Variants in EIF3G observed in about 807,000 individuals in gnomAD.
EIF3G encodes eukaryotic translation initiation factor 3 subunit G.
A neutral mutation model predicts 41.7 loss-of-function variants in EIF3G; 10 were observed. The observed-to-expected ratio is 0.24, with a 90% confidence interval of 0.15 to 0.41. The LOEUF (loss-of-function observed/expected upper bound fraction) is 0.41, where lower values mean the gene tolerates loss of function less well. Among genes scored for constraint, EIF3G ranks in the 10% least tolerant of loss-of-function variants. The pLI is 1.00. For missense variants in EIF3G, 297 were observed against 444.0 expected (o/e 0.67, Z 2.98); for synonymous variants, 204 against 172.5 (o/e 1.18, Z -1.43).
chr19:10,118,452 C>T (rs1007118899), intron 5 of EIF3G: 10 of 557,308 alleles, frequency 1.8e-5, no homozygotes, highest in Non-Finnish European at 2.9e-5. Context: ...GTAACCCCAG[C>T]TACTCGGGAG....
At chr19:10,118,328 G>A (rs1009362531) in intron 5 of EIF3G, 7 of 312,872 alleles carry the variant, frequency 2.2e-5, no homozygotes, top group Admixed American at 4.8e-5. Flanking sequence ...CACTTTGGGA[G>A]GCCTAGGTGC....
At chr19:10,118,980 A>T in intron 3 of EIF3G, 24 bp from the exon 4 acceptor site, 2 of 1,614,014 alleles carry the variant, frequency 1.2e-6, no homozygotes, top group South Asian at 2.2e-5. Flanking sequence ...AAAAACAGAG[A>T]AAGACTGAGC....
chr19:10,117,858 C>T (rs1175402731), intron 5 of EIF3G, among the ~76,000 whole-genome samples: 1 of 152,074 alleles, frequency 6.6e-6, no homozygotes, highest in African/African-American at 2.4e-5. Flanking sequence ...AGCTGGAGAC[C>T]AGCCTGGGCA....
At position 10,115,141 on chromosome 19, in the gene EIF3G, G is replaced by A. The variant is rs201415234; in HGVS notation, c.948-12C>T. ...AGTTGGTGGACGGCCTGGGGTAGGG[G>A]AGGGTGGCAGGTATAAGACTTCTGG... On this transcript the variant is annotated splice_polypyrimidine_tract_variant and intron_variant, in intron 10 of 10. Transcript: ENST00000253108. 100 of 1,613,842 alleles carry A rather than the reference G, an allele frequency of 6.2e-5. No individual in the cohort carries two copies. In the African/African-American group the frequency reaches 1.1e-3, roughly 17 times the overall value.
Position 10,116,635 on chromosome 19 carries a change from C to A in EIF3G, c.595+165G>T, listed in dbSNP as rs1472778176. On this transcript the variant is annotated intron_variant, in intron 7 of 10. Coordinates refer to ENST00000253108, the MANE Select transcript of EIF3G (RefSeq NM_003755.5). The surrounding 1 kb of genome is among the most constrained non-coding windows in gnomAD (Gnocchi z 4.1). The stretch of plus-strand genomic sequence containing the variant: ...AAGTCGCACATATATGGGAGACGCC[C>A]GTCTCCCAACCATAGGAGGTACAGC... The A allele has an allele frequency of 5.9e-6, 4 of 676,192 alleles. No individual in the cohort carries two copies. Among genetic ancestry groups the A allele is most frequent in the Non-Finnish European group, 9.8e-6 (4 of 406,548 alleles). 41.9% of individuals were successfully genotyped at this position (676,192 alleles called of 1,614,324 possible).
chr19:10,117,404 G>A, intron 5 of EIF3G: 3 of 550,396 alleles, frequency 5.5e-6, no homozygotes, highest in South Asian at 4.9e-5. Flanking sequence ...GTCAGCCTCC[G>A]GGTCCAGGTG....
Position 10,115,502 on chromosome 19 carries a change from G to A in EIF3G, c.924C>T (p.Leu308=), listed in dbSNP as rs1378625861. 6.2e-7 allele frequency: 1 copy of A among 1,612,984 alleles called. No homozygotes were observed. The highest frequency in any genetic ancestry group is 8.5e-7 in the Non-Finnish European group (1 of 1,179,318). The part of the protein sequence containing the change: ...AGVSGFGYDH[L]ILNVEWAKPS... ...ACTTGGCCCACTCGACGTTGAGGAT[G>A]AGGTGGTCGTAGCCAAAGCCGGACA... is the stretch of plus-strand genomic sequence containing the variant. The change falls in exon 10 of 11, where the codon CTC becomes CTT. Residue 308 remains leucine, a synonymous_variant. Transcript: ENST00000253108.
At position 10,115,058 on chromosome 19, in the gene EIF3G, C is replaced by G. The variant is rs994732666; in HGVS notation, c.*56G>C. On this transcript the variant is annotated 3_prime_UTR_variant, in exon 11 of 11. Coordinates refer to ENST00000253108, the MANE Select transcript of EIF3G (RefSeq NM_003755.5). ...TTATTGCCCTTGGAGCCCGCGCTCT[C>G]GGAGGCTGTCTTCTGTCGCCAAGGG... 1.5e-5 allele frequency: 24 copies of G among 1,612,188 alleles called. 1 individual carries two copies. The South Asian group carries it at 2.3e-4, about 16-fold the overall frequency.
At chr19:10,117,401 T>C (rs893560376) in intron 5 of EIF3G, 2 of 548,556 alleles carry the variant, frequency 3.6e-6, no homozygotes, top group African/African-American at 3.8e-5. Flanking sequence ...GCTGTCAGCC[T>C]CCGGGTCCAG....
chr19:10,118,063 T>A (rs2089274452), intron 5 of EIF3G: 1 of 152,344 alleles, frequency 6.6e-6, no homozygotes, highest in Non-Finnish European at 1.5e-5. Context: ...TTAAAAAAAT[T>A]AAAAGAATCT....
rs746990697 is a variant in EIF3G, at chr19:10,119,090, C to T, written c.149G>A (p.Gly50Glu). ...DTSPEPELLP[G>E]APLPPPKEVI... is the part of the protein sequence containing the mutation. ...ACCTCCCGGCAGTCCTCACTCACCT[C>T]CCGGCAGTAGCTCTGGCTCTGGGCT... Residue 50 changes from glycine to glutamate, a missense_variant and splice_region_variant, in exon 3 of 11, where the codon GGA becomes GAA. Physicochemically the swap from Gly to Glu is moderately conservative, Grantham distance 98 (BLOSUM62 -2). Around this residue, in one of 4 missense-constraint regions of EIF3G, gnomAD observed 147 missense variants for 162.4 expected, o/e 0.91. Transcript: ENST00000253108. The T allele has an allele frequency of 7.6e-7, 1 of 1,314,674 alleles. No homozygotes were observed. Among genetic ancestry groups the T allele is most frequent in the East Asian group, 2.5e-5 (1 of 40,696 alleles). 81.4% of individuals were successfully genotyped at this position (1,314,674 alleles called of 1,614,324 possible). A position where few individuals can be genotyped will look rare whatever the true frequency, so the allele number is the denominator to read the frequency against.
Position 10,118,648 on chromosome 19 carries a change from C to T in EIF3G, c.300+20G>A, listed in dbSNP as rs1226502374. 9.3e-6 allele frequency: 15 copies of T among 1,614,014 alleles called. No individual in the cohort carries two copies. Among genetic ancestry groups the T allele is most frequent in the Non-Finnish European group, 1.3e-5 (15 of 1,179,964 alleles). ...GTTTTCCAATTCCTCTAGGTTAGCC[C>T]TGGGGAAGAAGAGCCTCACCTTCCT... On this transcript the variant is annotated intron_variant, in intron 5 of 10. Coordinates refer to ENST00000253108, the MANE Select transcript of EIF3G (RefSeq NM_003755.5).
chr19:10,119,318 T>C (rs2089286294), intron 2 of EIF3G, 147 bp from the exon 3 acceptor site: 1 of 943,112 alleles, frequency 1.1e-6, no homozygotes, highest in Admixed American at 2.0e-5. Flanking sequence ...CGCACTGGGA[T>C]GGCCCTGTGG....
In EIF3G at chr19:10,116,117, A is replaced by AG; in HGVS notation, c.596-44dup. On this transcript the variant is annotated intron_variant, in intron 7 of 10. Transcript: ENST00000253108. The surrounding 1 kb of genome is among the most constrained non-coding windows in gnomAD (Gnocchi z 4.1). Reference sequence around the variant, plus strand: ...GTCAAGTTCAACCTCACTGTGGCGCAGGCGTGGGGACAGAGCCGCCCCAGG... The same window carrying AG: ...GTCAAGTTCAACCTCACTGTGGCGCAGGGCGTGGGGACAGAGCCGCCCCAGG... 7 of 1,584,092 alleles carry AG rather than the reference A, an allele frequency of 4.4e-6. No individual in the cohort carries two copies. The highest frequency in any genetic ancestry group is 6.0e-6 in the Non-Finnish European group (7 of 1,159,334).
chr19:10,119,106 G>A lies in EIF3G; in HGVS notation c.133C>T (p.Pro45Ser), dbSNP rs1340447989. 8 of 1,600,690 alleles carry A rather than the reference G, an allele frequency of 5.0e-6. No homozygotes were observed. The highest frequency in any genetic ancestry group is 3.5e-5 in the Admixed American group (2 of 57,822). ...PLATGDTSPE[P>S]ELLPGAPLPP... Reference sequence around the variant, plus strand: ...CACTCACCTCCCGGCAGTAGCTCTGGCTCTGGGCTGGTGTCACCTGTGGCC... The same window carrying A: ...CACTCACCTCCCGGCAGTAGCTCTGACTCTGGGCTGGTGTCACCTGTGGCC... The change falls in exon 3 of 11, where the codon CCA (proline) becomes TCA (serine). Residue 45 changes from proline to serine, a missense_variant. By Grantham distance (74) the Pro-to-Ser change is moderately conservative (BLOSUM62 -1). This residue lies in a region of EIF3G where 147 missense variants were observed against 162.4 expected (regional missense o/e 0.91). Coordinates refer to ENST00000253108, the MANE Select transcript of EIF3G (RefSeq NM_003755.5).
chr19:10,118,581 A>AG, intron 5 of EIF3G, 87 bp downstream of exon 5: 2 of 1,356,556 alleles, frequency 1.5e-6, no homozygotes, highest in Non-Finnish European at 2.1e-6. Context: ...AAAAAAAAAA[A>AG]AGAGTTAAGC....
At chr19:10,117,818 G>C (rs1373113966) in intron 5 of EIF3G, among the ~76,000 whole-genome samples, 1 of 152,214 alleles carries the variant, frequency 6.6e-6, no homozygotes, top group African/African-American at 2.4e-5. Flanking sequence ...CACTTTGAGA[G>C]GCGAAGGTGG....
At position 10,119,093 on chromosome 19, in the gene EIF3G, G is replaced by A. The variant is rs768562211; in HGVS notation, c.146C>T (p.Pro49Leu). 52 of 1,415,026 alleles carry A rather than the reference G, an allele frequency of 3.7e-5. No homozygotes were observed. Among genetic ancestry groups the A allele is most frequent in the Non-Finnish European group, 4.9e-5 (50 of 1,027,802 alleles). The allele number at this position is 1,415,026 out of a possible 1,614,324, so 87.7% of individuals were successfully genotyped here. ...TCCCGGCAGTCCTCACTCACCTCCC[G>A]GCAGTAGCTCTGGCTCTGGGCTGGT... ...GDTSPEPELL[P>L]GAPLPPPKEV... The change falls in exon 3 of 11, where the codon CCG becomes CTG. Residue 49 changes from proline (P) to leucine (L), a missense_variant. Coordinates refer to ENST00000253108, the MANE Select transcript of EIF3G (RefSeq NM_003755.5).
chr19:10,119,762 C>T lies in EIF3G; in HGVS notation c.21-62G>A, dbSNP rs1421065210. The stretch of plus-strand genomic sequence containing the variant: ...CAGCCAGGCCCGGCTCCCGCAGCCT[C>T]GGCGTACCCAGGCCCCATAATACTT... On this transcript the variant is annotated intron_variant, in intron 1 of 10. Coordinates refer to ENST00000253108, the MANE Select transcript of EIF3G (RefSeq NM_003755.5). 32 of 1,613,520 alleles carry T rather than the reference C, an allele frequency of 2.0e-5. No individual in the cohort carries two copies. The Admixed American group carries it at 5.3e-4, about 27-fold the overall frequency.
Sources: gnomAD v4.1 joint callset for allele counts (sites outside exome capture counted in the v4.1 genomes callset) on GRCh38, gnomAD v4.1.1 for gene constraint, gnomAD v4.1.1 regional missense constraint, Gnocchi (gnomAD v3.1) non-coding constraint, MANE v1.5 for transcripts, NCBI Gene and HGNC (gene_info 2026-07-23, HGNC 2026-07-21) for gene names.